Variants in TRIM51G observed in about 807,000 individuals in gnomAD.
The protein encoded by TRIM51G is tripartite motif-containing protein 51G.
chr11:48,977,176 C>A, the TRIM51G span: 2 of 1,293,088 alleles, frequency 1.5e-6, no homozygotes, highest in African/African-American at 2.9e-5. Context: ...GCAGCAGGGA[C>A]TCATACCTGC....
At chr11:48,977,435 C>T in the TRIM51G span, among the ~76,000 whole-genome samples, 1 of 152,092 alleles carries the variant, frequency 6.6e-6, no homozygotes, top group African/African-American at 2.4e-5. Flanking sequence ...GATCATTAGT[C>T]TTAAGACTGG....
the TRIM51G span, among the ~76,000 whole-genome samples, chr11:48,982,295 T>A: frequency 6.6e-6 from 1 of 152,126 alleles, no homozygotes; most frequent in African/African-American, 2.4e-5. Flanking sequence ...TGGCTTAAAT[T>A]AACTTCTTCT....
the TRIM51G span, among the ~76,000 whole-genome samples, chr11:48,979,736 T>C: frequency 6.6e-6 from 1 of 151,438 alleles, no homozygotes; most frequent in Non-Finnish European, 1.5e-5. Context: ...CAAATATAGG[T>C]ATATATGGAT....
At chr11:48,981,282 T>A in the TRIM51G span, 3 of 1,604,566 alleles carry the variant, frequency 1.9e-6, no homozygotes, top group Non-Finnish European at 2.6e-6. Flanking sequence ...AGGCATCACT[T>A]ACCCGGCGTT....
At chr11:48,975,741 A>T in the TRIM51G span, 1 of 1,568,872 alleles carries the variant, frequency 6.4e-7, no homozygotes, top group South Asian at 1.1e-5. Context: ...CCACCTCTCC[A>T]TCTATCATGT....
At chr11:48,978,526 C>A in the TRIM51G span, among the ~76,000 whole-genome samples, 1 of 151,956 alleles carries the variant, frequency 6.6e-6, no homozygotes, top group Non-Finnish European at 1.5e-5. Flanking sequence ...CTCCATCATG[C>A]CATGTCTCCA....
chr11:48,975,834 A>C, the TRIM51G span: 2 of 1,320,376 alleles, frequency 1.5e-6, no homozygotes, highest in Middle Eastern at 1.8e-4. Flanking sequence ...ACTCCCAATA[A>C]AATTTGCCAG....
chr11:48,982,967 A>G, the TRIM51G span, among the ~76,000 whole-genome samples: 28,863 of 81,458 alleles, frequency 0.35, 978 homozygotes, highest in Non-Finnish European at 0.44. Context: ...ATATATATAT[A>G]TATATATATA....
chr11:48,980,305 A>C, the TRIM51G span, among the ~76,000 whole-genome samples: 1 of 152,096 alleles, frequency 6.6e-6, no homozygotes, highest in Non-Finnish European at 1.5e-5. Flanking sequence ...AAGTCCTTAG[A>C]GTTCTCCTTA....
At chr11:48,981,235 A>G in the TRIM51G span, 1 of 1,597,604 alleles carries the variant, frequency 6.3e-7, no homozygotes, top group Non-Finnish European at 8.6e-7. Flanking sequence ...TAGGCTGACA[A>G]GAATTCCATG....
chr11:48,975,629 C>T, the TRIM51G span: 2 of 1,408,586 alleles, frequency 1.4e-6, no homozygotes, highest in African/African-American at 1.4e-5. Flanking sequence ...AGGAATAATC[C>T]TACTGTGTCT....
the TRIM51G span, among the ~76,000 whole-genome samples, chr11:48,982,965 A>G: frequency 0.047 from 1,290 of 27,478 alleles, 30 homozygotes; most frequent in Non-Finnish European, 0.05. Flanking sequence ...ACATATATAT[A>G]TATATATATA....
the TRIM51G span, chr11:48,981,466 G>A: frequency 1.5e-3 from 2,471 of 1,606,694 alleles, 38 homozygotes; most frequent in African/African-American, 0.029. Flanking sequence ...GGCTTTTCTG[G>A]CAATGGAAGC....
chr11:48,983,754 A>G, the TRIM51G span, among the ~76,000 whole-genome samples: 2 of 152,082 alleles, frequency 1.3e-5, no homozygotes, highest in Non-Finnish European at 2.9e-5. Context: ...GGTTCTATGA[A>G]TGTTTCCTGC....
chr11:48,978,915 T>A, the TRIM51G span: 4 of 1,580,624 alleles, frequency 2.5e-6, no homozygotes, highest in African/African-American at 2.7e-5. Flanking sequence ...TTGCCTCAGA[T>A]CCTCATACAT....
the TRIM51G span, chr11:48,981,793 A>G: frequency 4.6e-6 from 6 of 1,290,678 alleles, no homozygotes; most frequent in Non-Finnish European, 6.6e-6. Flanking sequence ...TTTCCTCTTG[A>G]CAGTGCTCAT....
At chr11:48,978,647 G>C in the TRIM51G span, among the ~76,000 whole-genome samples, 3 of 152,256 alleles carry the variant, frequency 2.0e-5, no homozygotes, top group Non-Finnish European at 4.4e-5. Context: ...TGTTACCTTG[G>C]CCATTCCACA....
At chr11:48,977,465 A>T in the TRIM51G span, among the ~76,000 whole-genome samples, 1 of 152,150 alleles carries the variant, frequency 6.6e-6, no homozygotes, top group East Asian at 1.9e-4. Context: ...CAAAAATGAA[A>T]TTCTGGATTC....
At chr11:48,977,588 C>T in the TRIM51G span, among the ~76,000 whole-genome samples, 1 of 152,140 alleles carries the variant, frequency 6.6e-6, no homozygotes. Context: ...GTGCTCCAGG[C>T]AGGGAGATCT....
Sources: gnomAD v4.1 joint callset for allele counts (sites outside exome capture counted in the v4.1 genomes callset) on GRCh38, gnomAD v4.1.1 for gene constraint, MANE v1.5 for transcripts, NCBI Gene and HGNC (gene_info 2026-07-23, HGNC 2026-07-21) for gene names.